The following MAST4 variants were observed in gnomAD, a reference collection of about 807,000 sequenced individuals.
The protein encoded by MAST4 is microtubule associated serine/threonine kinase family member 4, also known as microtubule-associated serine/threonine-protein kinase 4.
A neutral mutation model predicts 162.7 loss-of-function variants in MAST4; 89 were observed. The ratio of observed to expected loss-of-function variants is 0.55; its 90% confidence interval spans 0.46 to 0.65. The LOEUF (loss-of-function observed/expected upper bound fraction) is 0.65. Ranked by LOEUF, MAST4 falls within the 30% of genes least tolerant of loss-of-function variation. MAST4 has a pLI of 0.00. For synonymous variants in MAST4, 1,479 were observed against 1,361.1 expected (o/e 1.09, Z -1.91); for missense variants, 3,153 against 3,374.0 (o/e 0.93, Z 1.62).
At chr5:66,970,119 A>G (rs1300500042) in intron 4 of MAST4, among the ~76,000 whole-genome samples, 1 of 152,120 alleles carries the variant, frequency 6.6e-6, no homozygotes, top group Non-Finnish European at 1.5e-5. Flanking sequence ...CTGGGGAGAG[A>G]TGAGGAAGAT....
chr5:67,144,325 G>T (rs1044897340), intron 21 of MAST4, among the ~76,000 whole-genome samples: 1 of 151,998 alleles, frequency 6.6e-6, no homozygotes, highest in African/African-American at 2.4e-5. Flanking sequence ...TGGTTAAAAA[G>T]TAATCAAGAT....
At chr5:66,848,964 T>A (rs1024948301) in intron 3 of MAST4, among the ~76,000 whole-genome samples, 1 of 152,198 alleles carries the variant, frequency 6.6e-6, no homozygotes, top group Non-Finnish European at 1.5e-5. Flanking sequence ...CGTTATGCTC[T>A]TCCTGCATCA....
intron 4 of MAST4, among the ~76,000 whole-genome samples, chr5:67,045,389 C>G (rs1281877967): frequency 6.6e-6 from 1 of 152,166 alleles, no homozygotes; most frequent in Non-Finnish European, 1.5e-5. Flanking sequence ...GACATCAGAG[C>G]CCACCATGTT....
chr5:67,006,768 T>G (rs1195105827), intron 4 of MAST4, among the ~76,000 whole-genome samples: 4 of 152,154 alleles, frequency 2.6e-5, no homozygotes, highest in Non-Finnish European at 5.9e-5. Flanking sequence ...CTGTCCAGCC[T>G]GAACACTCCA....
At chr5:67,024,555 C>CT (rs1754411510) in intron 4 of MAST4, among the ~76,000 whole-genome samples, 2 of 151,774 alleles carry the variant, frequency 1.3e-5, no homozygotes, top group South Asian at 4.2e-4. Flanking sequence ...TATCTTCATC[C>CT]TAAGTAATGT....
intron 3 of MAST4, among the ~76,000 whole-genome samples, chr5:66,802,727 TC>T (rs1472912208): frequency 6.6e-6 from 1 of 152,162 alleles, no homozygotes; most frequent in Non-Finnish European, 1.5e-5. Flanking sequence ...CCCAACACTT[TC>T]AGCGTCATGA....
Position 67,102,534 on chromosome 5 carries a change from A to T in MAST4, c.1071-2A>T. On this transcript the variant is annotated splice_acceptor_variant, in intron 8 of 28. Transcript: ENST00000403625. LOFTEE classifies it high-confidence loss of function. ...TAAAAGGGTAATTTGCTTTGCTTGC[A>T]GCCCTGGACGTTCTCCCGCCTGCTG... The T allele has an allele frequency of 6.2e-7, 1 of 1,613,862 alleles. No individual in the cohort carries two copies. The highest frequency in any genetic ancestry group is 8.5e-7 in the Non-Finnish European group (1 of 1,179,728).
At chr5:66,982,274 G>A (rs945047258) in intron 4 of MAST4, among the ~76,000 whole-genome samples, 6 of 152,100 alleles carry the variant, frequency 3.9e-5, no homozygotes, top group African/African-American at 1.4e-4. Context: ...GAGAGTGTGT[G>A]CTTTCTTTTA....
At position 67,102,552 on chromosome 5, in the gene MAST4, G is replaced by T. The variant is rs201578034; in HGVS notation, c.1087G>T (p.Ala363Ser). ...TGCTTGCAGCCCTGGACGTTCTCCC[G>T]CCTGCTGTGACCATGAAATAATTAT... The part of the protein sequence containing the change: ...SRSLSPGRSP[A>S]CCDHEIIMMN... The change falls in exon 9 of 29, where the codon GCC becomes TCC. Residue 363 changes from alanine to serine, a missense_variant. Physicochemically the swap from Ala to Ser is moderately conservative, Grantham distance 99. This residue lies in a region of MAST4 where 360 missense variants were observed against 450.0 expected (regional missense o/e 0.80). Transcript: ENST00000403625. 4.3e-6 allele frequency: 7 copies of T among 1,613,856 alleles called. No homozygotes were observed. The highest frequency in any genetic ancestry group is 5.9e-6 in the Non-Finnish European group (7 of 1,179,806).
At chr5:66,636,187 A>C (rs1454605904) in intron 1 of MAST4, among the ~76,000 whole-genome samples, 3 of 151,858 alleles carry the variant, frequency 2.0e-5, no homozygotes, top group Non-Finnish European at 4.4e-5. Context: ...TGGTCTCTTG[A>C]CCTTGTGATC....
intron 1 of MAST4, among the ~76,000 whole-genome samples, chr5:66,678,315 A>C (rs1748091993): frequency 6.6e-6 from 1 of 152,048 alleles, no homozygotes; most frequent in Non-Finnish European, 1.5e-5. Flanking sequence ...AGGAAGGATA[A>C]GTTCTGAAGA....
At chr5:66,963,677 C>T (rs1200967579) in intron 4 of MAST4, 1 of 779,458 alleles carries the variant, frequency 1.3e-6, no homozygotes, top group Non-Finnish European at 2.4e-6. Context: ...TCAATTCTCC[C>T]ACTTGGAATG....
At chr5:66,626,114 T>C (rs1410178476) in intron 1 of MAST4, among the ~76,000 whole-genome samples, 1 of 146,880 alleles carries the variant, frequency 6.8e-6, no homozygotes, top group African/African-American at 2.6e-5. Flanking sequence ...GAGAGGAGAG[T>C]GGTTATGGGA....
At chr5:66,777,288 G>A (rs1390963197) in intron 2 of MAST4, among the ~76,000 whole-genome samples, 1 of 152,218 alleles carries the variant, frequency 6.6e-6, no homozygotes, top group Admixed American at 6.5e-5. Context: ...GAGGAGGACT[G>A]TTGCCAGGAG....
chr5:66,927,468 G>T (rs1357570488), intron 4 of MAST4, among the ~76,000 whole-genome samples: 1 of 152,206 alleles, frequency 6.6e-6, no homozygotes, highest in Non-Finnish European at 1.5e-5. Flanking sequence ...GCTCATAGTA[G>T]TATATGATCC....
At chr5:66,837,419 T>C (rs919373106) in intron 3 of MAST4, among the ~76,000 whole-genome samples, 1 of 152,150 alleles carries the variant, frequency 6.6e-6, no homozygotes, top group Admixed American at 6.6e-5. Flanking sequence ...TAAGTGGGTT[T>C]TGGGTGCCTG....
chr5:67,058,591 A>G (rs974703948), intron 5 of MAST4, among the ~76,000 whole-genome samples: 1 of 152,242 alleles, frequency 6.6e-6, no homozygotes, highest in Non-Finnish European at 1.5e-5. Context: ...CATAGTTGTT[A>G]CAAAGAACAA....
At chr5:66,771,825 C>A (rs1442325911) in intron 2 of MAST4, among the ~76,000 whole-genome samples, 1 of 147,502 alleles carries the variant, frequency 6.8e-6, no homozygotes, top group African/African-American at 2.5e-5. Context: ...ATTCCTTTTT[C>A]TTTCTACTGC....
intron 5 of MAST4, among the ~76,000 whole-genome samples, chr5:67,072,979 G>C (rs145400567): frequency 6.6e-6 from 1 of 152,308 alleles, no homozygotes; most frequent in Non-Finnish European, 1.5e-5. Flanking sequence ...CCAAATTATA[G>C]TTGTGATGGT....
Sources: gnomAD v4.1 joint callset for allele counts (sites outside exome capture counted in the v4.1 genomes callset) on GRCh38, gnomAD v4.1.1 for gene constraint, gnomAD v4.1.1 regional missense constraint, MANE v1.5 for transcripts, NCBI Gene and HGNC (gene_info 2026-07-23, HGNC 2026-07-21) for gene names.